Variants in LNX1 observed in about 807,000 individuals in gnomAD.
LNX1 encodes E3 ubiquitin-protein ligase LNX.
LNX1 carries 54 observed loss-of-function variants against 68.4 expected under a neutral mutation model. That is an observed-to-expected ratio of 0.79 (90% CI 0.63 to 0.99). The LOEUF (loss-of-function observed/expected upper bound fraction) is 0.99. Among genes scored for constraint, LNX1 ranks in the 50% least tolerant of loss-of-function variants. The pLI is 0.00. For missense variants in LNX1, 906 were observed against 926.4 expected (o/e 0.98, Z 0.29); for synonymous variants, 336 against 350.0 (o/e 0.96, Z 0.45).
chr4:53,592,095 G>T (rs1228413763), upstream of LNX1, among the ~76,000 whole-genome samples: 1 of 126,570 alleles, frequency 7.9e-6, no homozygotes, highest in Non-Finnish European at 1.6e-5. Context: ...CCCCTCCCCC[G>T]CCCAGCATTT....
At chr4:53,629,691 G>C (rs1577811859) in intron 1 of LNX1, among the ~76,000 whole-genome samples, 7 of 152,176 alleles carry the variant, frequency 4.6e-5, no homozygotes, top group Admixed American at 4.6e-4. Flanking sequence ...CTCCTGCTCT[G>C]TGTTTGTTCA....
chr4:53,558,382 G>A (rs1234159664), intron 2 of LNX1: 3 of 516,830 alleles, frequency 5.8e-6, no homozygotes, highest in Non-Finnish European at 7.5e-6. Flanking sequence ...CAGACCCCAC[G>A]GTGTGAATAA....
At chr4:53,580,367 A>T (rs1417739486) in intron 1 of LNX1, among the ~76,000 whole-genome samples, 1 of 152,202 alleles carries the variant, frequency 6.6e-6, no homozygotes, top group South Asian at 2.1e-4. Context: ...TCTCTTCTGC[A>T]AGCTCCCCAA....
chr4:53,572,115 A>G (rs1731206805), intron 2 of LNX1, among the ~76,000 whole-genome samples: 1 of 152,136 alleles, frequency 6.6e-6, no homozygotes, highest in Non-Finnish European at 1.5e-5. Context: ...CCCCTTGCCC[A>G]GTGTGGCTCC....
chr4:53,639,422 T>TA (rs986473976), intron 1 of LNX1, among the ~76,000 whole-genome samples: 1 of 151,250 alleles, frequency 6.6e-6, no homozygotes, highest in African/African-American at 2.4e-5. Flanking sequence ...ACCCCAAACC[T>TA]AAAAAAAAAT....
intron 4 of LNX1, among the ~76,000 whole-genome samples, chr4:53,502,480 C>A (rs768094254): frequency 6.6e-6 from 1 of 152,180 alleles, no homozygotes; most frequent in African/African-American, 2.4e-5. Context: ...TGCTGTTTAA[C>A]GATCATCTGA....
chr4:53,583,463 T>C (rs1731957528), intron 1 of LNX1, among the ~76,000 whole-genome samples: 1 of 152,048 alleles, frequency 6.6e-6, no homozygotes, highest in Non-Finnish European at 1.5e-5. Context: ...AATTTCTAAA[T>C]CAATGATCTC....
At chr4:53,507,560 T>A in intron 3 of LNX1, 91 bp from the exon 4 acceptor site, 20 of 1,386,880 alleles carry the variant, frequency 1.4e-5, no homozygotes, top group Non-Finnish European at 2.0e-5. Context: ...CAATAAGACA[T>A]TAACAGTGAC....
intron 2 of LNX1, among the ~76,000 whole-genome samples, chr4:53,513,540 C>T (rs1726523708): frequency 6.6e-6 from 1 of 152,212 alleles, no homozygotes; most frequent in Admixed American, 6.5e-5. Context: ...TCCTCCCTGC[C>T]AAACCAGCTC....
chr4:53,631,563 A>G (rs1413824398), intron 1 of LNX1, among the ~76,000 whole-genome samples: 1 of 152,202 alleles, frequency 6.6e-6, no homozygotes, highest in Non-Finnish European at 1.5e-5. Flanking sequence ...CATAGTTTAA[A>G]AAATCCTCAA....
intron 2 of LNX1, among the ~76,000 whole-genome samples, chr4:53,529,652 T>C (rs1269463569): frequency 6.6e-6 from 1 of 152,054 alleles, no homozygotes; most frequent in African/African-American, 2.4e-5. Flanking sequence ...CCATGTACAT[T>C]GTGAGCTCCC....
chr4:53,571,479 G>T (rs933750559), intron 2 of LNX1, among the ~76,000 whole-genome samples: 1 of 151,976 alleles, frequency 6.6e-6, no homozygotes, highest in African/African-American at 2.4e-5. Flanking sequence ...GATGCTATGC[G>T]GCTGGCTCTG....
At chr4:53,534,535 A>C (rs906616644) in intron 2 of LNX1, among the ~76,000 whole-genome samples, 6 of 152,174 alleles carry the variant, frequency 3.9e-5, no homozygotes, top group Admixed American at 3.3e-4. Flanking sequence ...CCAGCTATTC[A>C]GAAGGCTGAG....
intron 1 of LNX1, among the ~76,000 whole-genome samples, chr4:53,581,785 G>T (rs1731855166): frequency 6.6e-6 from 1 of 152,132 alleles, no homozygotes; most frequent in South Asian, 2.1e-4. Context: ...ATTTGGGTGG[G>T]GACGCAGCCA....
chr4:53,556,649 T>C (rs1729934220), intron 2 of LNX1, among the ~76,000 whole-genome samples: 1 of 152,218 alleles, frequency 6.6e-6, no homozygotes, highest in Admixed American at 6.5e-5. Flanking sequence ...TGATTCAGAT[T>C]TAAGCTAGAC....
At chr4:53,546,668 C>T (rs1459656734) in intron 2 of LNX1, among the ~76,000 whole-genome samples, 2 of 152,136 alleles carry the variant, frequency 1.3e-5, no homozygotes, top group African/African-American at 4.8e-5. Context: ...CTTCGGCTCT[C>T]AAAAATTTAT....
At chr4:53,579,117 C>T (rs1225043035) in intron 1 of LNX1, 1 of 223,408 alleles carries the variant, frequency 4.5e-6, no homozygotes, top group African/African-American at 2.3e-5. Context: ...AGCTTTGTGT[C>T]CATATAAATT....
chr4:53,585,765 G>A (rs939911306), intron 1 of LNX1, among the ~76,000 whole-genome samples: 8 of 152,198 alleles, frequency 5.3e-5, no homozygotes, highest in Non-Finnish European at 8.8e-5. Context: ...GCCTTCAGAG[G>A]AGTGTGGCCC....
intron 2 of LNX1, among the ~76,000 whole-genome samples, chr4:53,550,766 T>C (rs1156985968): frequency 1.3e-5 from 2 of 152,066 alleles, no homozygotes; most frequent in African/African-American, 4.8e-5. Context: ...CATGGCCCAA[T>C]ACCTGGCCCA....
Sources: gnomAD v4.1 joint callset for allele counts (sites outside exome capture counted in the v4.1 genomes callset) on GRCh38, gnomAD v4.1.1 for gene constraint, MANE v1.5 for transcripts, NCBI Gene and HGNC (gene_info 2026-07-23, HGNC 2026-07-21) for gene names.